The following SH3GL3 variants were observed in gnomAD, a reference collection of about 807,000 sequenced individuals.
The protein encoded by SH3GL3 is endophilin-A3.
A neutral mutation model predicts 47.7 loss-of-function variants in SH3GL3; 33 were observed. The observed-to-expected ratio is 0.69, with a 90% CI of 0.52 to 0.92. The LOEUF is 0.92. Ranked by LOEUF, SH3GL3 falls within the 40% of genes least tolerant of loss-of-function variation. SH3GL3 has a pLI of 0.00. For missense variants in SH3GL3, 363 were observed against 417.8 expected, an observed-to-expected ratio of 0.87 and a Z score of 1.14; for synonymous variants, 155 against 148.8, an observed-to-expected ratio of 1.04 and a Z score of -0.30.
chr15:83,501,235 A>C (rs989986567), intron 1 of SH3GL3, among the ~76,000 whole-genome samples: 4 of 152,182 alleles, frequency 2.6e-5, no homozygotes, highest in Admixed American at 1.3e-4. Context: ...AAATGGATTA[A>C]ATTTGTAATT....
intron 1 of SH3GL3, among the ~76,000 whole-genome samples, chr15:83,449,451 C>T (rs1030481011): frequency 6.6e-6 from 1 of 152,312 alleles, no homozygotes. Context: ...TTAGCACTGG[C>T]AGGAAATGAA....
chr15:83,576,560 G>A, intron 5 of SH3GL3, 23 bp from the exon 6 acceptor site: 1 of 1,587,586 alleles, frequency 6.3e-7, no homozygotes, highest in Admixed American at 1.9e-5. Flanking sequence ...ACCTCTCTGA[G>A]GGACTCCATT....
At chr15:83,622,196 C>A (rs555441678), downstream of SH3GL3, among the ~76,000 whole-genome samples, 1 of 152,326 alleles carries the variant, frequency 6.6e-6, no homozygotes, top group South Asian at 2.1e-4. Context: ...TGCCATAACA[C>A]TGAGTAACTT....
chr15:83,529,795 T>C (rs2043588814), intron 1 of SH3GL3, among the ~76,000 whole-genome samples: 1 of 152,046 alleles, frequency 6.6e-6, no homozygotes, highest in Admixed American at 6.5e-5. Context: ...GTGTACACAT[T>C]AGTCCTTAGC....
intron 7 of SH3GL3, 42 bp downstream of exon 7, chr15:83,587,128 G>A (rs368825660): frequency 5.8e-6 from 6 of 1,041,518 alleles, no homozygotes; most frequent in African/African-American, 1.6e-5. Context: ...GGCTGCGGAG[G>A]TAACATCTAT....
At chr15:83,584,970 T>G (rs918832789) in intron 6 of SH3GL3, among the ~76,000 whole-genome samples, 2 of 152,226 alleles carry the variant, frequency 1.3e-5, no homozygotes, top group African/African-American at 4.8e-5. Context: ...TATTTATTTC[T>G]AATCGTGGTT....
rs536172162 is a variant in SH3GL3 at position 83,448,870 on chromosome 15, G to A, written c.45+1292G>A. On this transcript the variant is annotated intron_variant, in intron 1 of 8. Coordinates refer to ENST00000427482, the MANE Select transcript of SH3GL3 (RefSeq NM_003027.5). This position sits in a 1 kb window ranked among gnomAD's most constrained non-coding sequence, Gnocchi z 4.2. ...ACAGTGGTGCTATTCAAGGTGTTAA[G>A]GAGCCCTGGAGGAGAGGCTATTCAG... Among the ~76,000 whole-genome samples, 1 of 152,264 alleles carries A rather than the reference G, an allele frequency of 6.6e-6. No homozygotes were observed. Among genetic ancestry groups the A allele is most frequent in the South Asian group, 2.1e-4 (1 of 4,828 alleles).
the SH3GL3 span, among the ~76,000 whole-genome samples, chr15:83,625,702 A>T: frequency 6.6e-6 from 1 of 151,972 alleles, no homozygotes; most frequent in Admixed American, 6.6e-5. Flanking sequence ...TTGGGATTTT[A>T]TCCATTTTTT....
At chr15:83,619,941 A>C (rs1441325581), downstream of SH3GL3, among the ~76,000 whole-genome samples, 1 of 152,216 alleles carries the variant, frequency 6.6e-6, no homozygotes, top group African/African-American at 2.4e-5. Flanking sequence ...TCATCCTACC[A>C]CTGCTTTATC....
chr15:83,617,206 T>A (rs1006852548), intron 8 of SH3GL3, among the ~76,000 whole-genome samples: 7 of 152,208 alleles, frequency 4.6e-5, no homozygotes, highest in Admixed American at 4.6e-4. Flanking sequence ...CAGTAAATAT[T>A]CTTGTCTGTA....
intron 1 of SH3GL3, among the ~76,000 whole-genome samples, chr15:83,479,478 T>C (rs2041246694): frequency 6.6e-6 from 1 of 152,150 alleles, no homozygotes; most frequent in Non-Finnish European, 1.5e-5. Flanking sequence ...GGATGGTAAC[T>C]GGAGCTCATT....
chr15:83,596,207 A>G (rs1372866354), intron 8 of SH3GL3, among the ~76,000 whole-genome samples: 1 of 152,174 alleles, frequency 6.6e-6, no homozygotes, highest in Non-Finnish European at 1.5e-5. Context: ...TTAGATACCT[A>G]TTTAATTCCA....
the SH3GL3 span, among the ~76,000 whole-genome samples, chr15:83,624,387 A>G: frequency 6.6e-6 from 1 of 152,194 alleles, no homozygotes; most frequent in African/African-American, 2.4e-5. Flanking sequence ...CAAGGGGCTG[A>G]TAGGGAGAGT....
intron 8 of SH3GL3, among the ~76,000 whole-genome samples, chr15:83,589,742 G>A (rs1364476606): frequency 1.3e-5 from 2 of 152,170 alleles, no homozygotes; most frequent in Non-Finnish European, 2.9e-5. Context: ...TTTTTAAAAT[G>A]TATCACTGTT....
rs530671685 is a variant in SH3GL3, at chr15:83,487,018, A to T, written c.45+39440A>T. On this transcript the variant is annotated intron_variant, in intron 1 of 8. Transcript: ENST00000427482. Reference sequence around the variant, plus strand: ...CCTCCCCAAAGCCCTGCTTCCAAATACAACCACATTAGGAGTTAGAGCTTC... The same window carrying T: ...CCTCCCCAAAGCCCTGCTTCCAAATTCAACCACATTAGGAGTTAGAGCTTC... Among the ~76,000 whole-genome samples the T allele has an allele frequency of 3.3e-5, 5 of 152,308 alleles. No homozygotes were observed. In the South Asian group the frequency reaches 1.0e-3, roughly 32 times the overall value.
chr15:83,578,709 T>G (rs2059751806), intron 6 of SH3GL3, among the ~76,000 whole-genome samples: 1 of 152,096 alleles, frequency 6.6e-6, no homozygotes, highest in African/African-American at 2.4e-5. Flanking sequence ...GTGTGACAGT[T>G]TGGTATCTCT....
intron 1 of SH3GL3, among the ~76,000 whole-genome samples, chr15:83,473,774 C>G (rs2040959354): frequency 6.6e-6 from 1 of 151,608 alleles, no homozygotes; most frequent in South Asian, 2.1e-4. Context: ...GTCTCGATCT[C>G]CTGACCTCGT....
intron 6 of SH3GL3, among the ~76,000 whole-genome samples, chr15:83,577,333 C>G (rs2059710424): frequency 6.6e-6 from 1 of 152,194 alleles, no homozygotes; most frequent in Non-Finnish European, 1.5e-5. Flanking sequence ...AGTTGTTATG[C>G]AAGTTTCTAG....
At chr15:83,629,370 A>C in the SH3GL3 span, among the ~76,000 whole-genome samples, 1 of 152,246 alleles carries the variant, frequency 6.6e-6, no homozygotes, top group South Asian at 2.1e-4. Context: ...GTTCAGTGGA[A>C]CCAAAGAGTC....
Sources: gnomAD v4.1 joint callset for allele counts (sites outside exome capture counted in the v4.1 genomes callset) on GRCh38, gnomAD v4.1.1 for gene constraint, Gnocchi (gnomAD v3.1) non-coding constraint, MANE v1.5 for transcripts, NCBI Gene and HGNC (gene_info 2026-07-23, HGNC 2026-07-21) for gene names.